NFIB: variants seen among roughly 807,000 people sequenced by gnomAD.
The protein encoded by NFIB is nuclear factor I B.
In NFIB, 11 loss-of-function variants were observed where a neutral mutation model predicts 61.5. The observed-to-expected ratio is 0.18, with a 90% CI of 0.11 to 0.30. NFIB has a LOEUF of 0.30. Ranked by LOEUF, NFIB falls within the 10% of genes least tolerant of loss-of-function variation. NFIB has a pLI of 1.00. For missense variants in NFIB, 471 were observed against 608.9 expected (o/e 0.77, Z 2.38); for synonymous variants, 260 against 216.5 (o/e 1.20, Z -1.76).
At chr9:14,100,272 T>C (rs563896827) in intron 10 of NFIB, among the ~76,000 whole-genome samples, 1 of 152,158 alleles carries the variant, frequency 6.6e-6, no homozygotes, top group Non-Finnish European at 1.5e-5. Context: ...CATCAATTTT[T>C]CACCAGGAAG....
At chr9:14,482,604 C>T in the NFIB span, among the ~76,000 whole-genome samples, 8 of 152,302 alleles carry the variant, frequency 5.3e-5, no homozygotes, top group South Asian at 2.1e-4. Context: ...TGCAAAGCAC[C>T]GAAGGGGCTG....
At chr9:14,275,439 T>C (rs1588075552) in intron 2 of NFIB, among the ~76,000 whole-genome samples, 1 of 152,158 alleles carries the variant, frequency 6.6e-6, no homozygotes, top group East Asian at 1.9e-4. Context: ...ATCAGTGCAG[T>C]TGAGGCAAAC....
At chr9:14,382,757 G>C (rs911091951) in intron 1 of NFIB, among the ~76,000 whole-genome samples, 3 of 151,990 alleles carry the variant, frequency 2.0e-5, no homozygotes, top group Admixed American at 6.6e-5. Flanking sequence ...ATTCACCCAA[G>C]GGACTATTAC....
At chr9:14,482,454 C>T in the NFIB span, among the ~76,000 whole-genome samples, 1 of 152,168 alleles carries the variant, frequency 6.6e-6, no homozygotes, top group Non-Finnish European at 1.5e-5. Flanking sequence ...GAACCCCTCA[C>T]CCCCTCACCA....
At chr9:14,530,350 G>A in the NFIB span, among the ~76,000 whole-genome samples, 1 of 152,098 alleles carries the variant, frequency 6.6e-6, no homozygotes, top group Admixed American at 6.5e-5. Flanking sequence ...CCACTTTAGA[G>A]TTTATATCAC....
the NFIB span, among the ~76,000 whole-genome samples, chr9:14,408,648 A>G: frequency 1.3e-5 from 2 of 152,246 alleles, no homozygotes; most frequent in African/African-American, 2.4e-5. Flanking sequence ...TTGAATGGTC[A>G]TGGGTACAAC....
At chr9:14,271,581 C>T (rs951221940) in intron 2 of NFIB, among the ~76,000 whole-genome samples, 2 of 152,010 alleles carry the variant, frequency 1.3e-5, no homozygotes, top group Non-Finnish European at 2.9e-5. Flanking sequence ...CTCAGCTGGA[C>T]GAAACACATG....
At chr9:14,215,962 T>C (rs1220432353) in intron 2 of NFIB, among the ~76,000 whole-genome samples, 1 of 152,202 alleles carries the variant, frequency 6.6e-6, no homozygotes, top group Non-Finnish European at 1.5e-5. Flanking sequence ...CTCAGCACGA[T>C]ACCTTGTTCA....
intron 3 of NFIB, among the ~76,000 whole-genome samples, chr9:14,168,733 C>A (rs1031227148): frequency 6.6e-6 from 1 of 152,160 alleles, no homozygotes; most frequent in South Asian, 2.1e-4. Flanking sequence ...TCTAGGTGAG[C>A]TAGTTAAAGA....
intron 1 of NFIB, among the ~76,000 whole-genome samples, chr9:14,370,230 G>T (rs1347217253): frequency 6.6e-6 from 1 of 152,088 alleles, no homozygotes; most frequent in African/African-American, 2.4e-5. Context: ...TCGGACTCAA[G>T]GACAATTAAT....
chr9:14,176,256 TAAAAAA>T (rs58705977), intron 3 of NFIB, among the ~76,000 whole-genome samples: 5 of 131,456 alleles, frequency 3.8e-5, no homozygotes, highest in Non-Finnish European at 8.2e-5. Context: ...ATTAACTTGT[TAAAAAA>T]AAAAAAAAAA....
At position 14,146,910 on chromosome 9, in the gene NFIB, A is replaced by G. The variant is rs369897952; in HGVS notation, c.807-103T>C. 2.7e-5 allele frequency: 39 copies of G among 1,445,040 alleles called. 1 individual carries two copies. In the South Asian group the frequency reaches 4.7e-4, roughly 17 times the overall value. The allele number at this position is 1,445,040 out of a possible 1,614,324, so 89.5% of individuals were successfully genotyped here. On this transcript the variant is annotated intron_variant, in intron 5 of 10. Transcript: ENST00000380953. The stretch of plus-strand genomic sequence containing the variant: ...GATCCTTACTGTGAAAATTTTCATA[A>G]GCACAAGTAATAATGGTGAGTATAA...
intron 1 of NFIB, among the ~76,000 whole-genome samples, chr9:14,392,647 G>A (rs994468094): frequency 9.9e-5 from 15 of 152,056 alleles, no homozygotes; most frequent in African/African-American, 3.4e-4. Context: ...TTGAACCCAG[G>A]GGGCAGAGGC....
chr9:14,150,603 C>T (rs921867342), intron 4 of NFIB, among the ~76,000 whole-genome samples: 5 of 152,082 alleles, frequency 3.3e-5, no homozygotes, highest in East Asian at 1.9e-4. Flanking sequence ...ACAGAATATA[C>T]GAGTCCTATC....
intron 3 of NFIB, among the ~76,000 whole-genome samples, chr9:14,171,524 G>A (rs1243372755): frequency 1.3e-5 from 2 of 152,108 alleles, no homozygotes; most frequent in Non-Finnish European, 2.9e-5. Context: ...AAGGGTAATG[G>A]TAACTGAGAG....
chr9:14,437,915 T>C, the NFIB span, among the ~76,000 whole-genome samples: 1 of 152,102 alleles, frequency 6.6e-6, no homozygotes, highest in African/African-American at 2.4e-5. Flanking sequence ...CAAAGACAGG[T>C]TGGGAACCCC....
the NFIB span, among the ~76,000 whole-genome samples, chr9:14,459,669 A>G: frequency 2.0e-5 from 3 of 152,216 alleles, no homozygotes; most frequent in African/African-American, 4.8e-5. Flanking sequence ...ACAAATTTAC[A>G]AGAAAAAAAC....
intron 3 of NFIB, among the ~76,000 whole-genome samples, chr9:14,179,197 C>A (rs910442996): frequency 6.6e-6 from 1 of 151,868 alleles, no homozygotes; most frequent in Non-Finnish European, 1.5e-5. Context: ...ATTTGGGATA[C>A]CTTATGCTAA....
the NFIB span, among the ~76,000 whole-genome samples, chr9:14,419,200 T>C: frequency 6.6e-6 from 1 of 151,252 alleles, no homozygotes; most frequent in African/African-American, 2.4e-5. Flanking sequence ...GAAAAAATCC[T>C]TTCAAAGATT....
Sources: gnomAD v4.1 joint callset for allele counts (sites outside exome capture counted in the v4.1 genomes callset) on GRCh38, gnomAD v4.1.1 for gene constraint, MANE v1.5 for transcripts, NCBI Gene and HGNC (gene_info 2026-07-23, HGNC 2026-07-21) for gene names.